Variants in USP31 observed in about 807,000 individuals in gnomAD.
USP31 encodes the protein ubiquitin carboxyl-terminal hydrolase 31.
USP31 carries 44 observed loss-of-function variants against 119.4 expected under a neutral mutation model. That is an observed-to-expected ratio of 0.37 (90% CI 0.29 to 0.47). The LOEUF (loss-of-function observed/expected upper bound fraction) is 0.47. Among genes scored for constraint, USP31 ranks in the 20% least tolerant of loss-of-function variants. USP31 has a pLI of 0.99. For missense variants in USP31, 1,643 were observed against 1,730.2 expected (o/e 0.95, Z 0.89); for synonymous variants, 749 against 705.6 (o/e 1.06, Z -0.97).
rs75126521 is a variant in USP31 at position 23,100,109 on chromosome 16, A to T, written c.1234+2210T>A. ...GTAACACGGTGCAGCCACTTTGGAA[A>T]AGTCTGTAAGTACCCCAAATGATTA... On this transcript the variant is annotated intron_variant, in intron 6 of 15. Coordinates refer to ENST00000219689, the MANE Select transcript of USP31 (RefSeq NM_020718.4). 5.0e-3 allele frequency among the ~76,000 whole-genome samples: 766 copies of T among 152,310 alleles called. 4 individuals carry two copies. The highest frequency in any genetic ancestry group is 0.018 in the African/African-American group (734 of 41,564).
In USP31 at chr16:23,067,706, C is replaced by T. The variant is rs1900131877; in HGVS notation, c.*340G>A. On this transcript the variant is annotated 3_prime_UTR_variant, in exon 16 of 16. Transcript: ENST00000219689. Reference sequence around the variant, plus strand: ...GGTAGCTTTTCTGGTTCACAGGTTTCAAAACCCTCATATCCAAAGAAAGTC... The same window carrying T: ...GGTAGCTTTTCTGGTTCACAGGTTTTAAAACCCTCATATCCAAAGAAAGTC... 1 of 180,994 alleles carries T rather than the reference C, an allele frequency of 5.5e-6. No individual in the cohort carries two copies. The highest frequency in any genetic ancestry group is 1.2e-5 in the Non-Finnish European group (1 of 86,300). 11.2% of individuals were successfully genotyped at this position (180,994 alleles called of 1,614,324 possible). A position where few individuals can be genotyped will look rare whatever the true frequency, so the allele number is the denominator to read the frequency against.
intron 1 of USP31, among the ~76,000 whole-genome samples, chr16:23,126,621 T>A (rs1379488372): frequency 4.7e-5 from 7 of 147,894 alleles, no homozygotes; most frequent in Non-Finnish European, 3.0e-5. Context: ...AGCAAGACTC[T>A]GTCTCAAAAA....
intron 13 of USP31, among the ~76,000 whole-genome samples, chr16:23,074,564 A>C (rs1160329732): frequency 6.6e-6 from 1 of 152,200 alleles, no homozygotes; most frequent in Non-Finnish European, 1.5e-5. Flanking sequence ...GCAGCTGGTG[A>C]AAGGCAGGAG....
At chr16:23,095,267 T>C (rs1289041628) in intron 6 of USP31, among the ~76,000 whole-genome samples, 1 of 151,906 alleles carries the variant, frequency 6.6e-6, no homozygotes, top group African/African-American at 2.4e-5. Context: ...CTCAAATTAA[T>C]GAAATAAAGC....
intron 1 of USP31, among the ~76,000 whole-genome samples, chr16:23,112,678 G>A (rs1270547243): frequency 6.6e-6 from 1 of 152,066 alleles, no homozygotes; most frequent in Non-Finnish European, 1.5e-5. Flanking sequence ...AAAACCAAAG[G>A]CATTAGTATG....
In USP31 at chr16:23,090,803, T is replaced by A; in HGVS notation, c.1236A>T (p.Gly412=). 6.5e-7 allele frequency: 1 copy of A among 1,537,528 alleles called. No homozygotes were observed. The highest frequency in any genetic ancestry group is 8.9e-7 in the Non-Finnish European group (1 of 1,127,082). Residue 412 remains glycine (G), a splice_region_variant and synonymous_variant, in exon 7 of 16, where the codon GGA becomes GGT. Transcript: ENST00000219689. The part of the protein sequence containing the change: ...FRPEGILSQR[G]IHLNNNLNHL... Reference sequence around the variant, plus strand: ...GGTTTAGGTTGTTGTTTAAATGAATTCCTGAAACAGAATAAAAACAACTCA... The same window carrying A: ...GGTTTAGGTTGTTGTTTAAATGAATACCTGAAACAGAATAAAAACAACTCA...
At chr16:23,077,285 T>C (rs1900618398) in intron 13 of USP31, among the ~76,000 whole-genome samples, 1 of 152,170 alleles carries the variant, frequency 6.6e-6, no homozygotes, top group Non-Finnish European at 1.5e-5. Flanking sequence ...CTGCAGCATT[T>C]AAATATTTAA....
chr16:23,103,964 C>T (rs1166355842), intron 5 of USP31, among the ~76,000 whole-genome samples: 1 of 152,068 alleles, frequency 6.6e-6, no homozygotes, highest in Non-Finnish European at 1.5e-5. Context: ...AACAGAAAAA[C>T]AAAAGATGGA....
At position 23,069,013 on chromosome 16, in the gene USP31, C is replaced by G; in HGVS notation, c.3092G>C (p.Gly1031Ala). ...CAAGCTTTTCTCTGGCTCAGAAGTG[C>G]CTTTGGAACTGGGGGATCTCTTAGT... ...STTKRSPSSK[G>A]TSEPEKSLRK... The change falls in exon 16 of 16, where the codon GGC becomes GCC. Residue 1031 changes from glycine to alanine, a missense_variant. Gly to Ala is a moderately conservative substitution (Grantham distance 60). Transcript: ENST00000219689. 1.2e-6 allele frequency: 2 copies of G among 1,613,820 alleles called. No individual in the cohort carries two copies. The highest frequency in any genetic ancestry group is 1.7e-6 in the Non-Finnish European group (2 of 1,180,014).
chr16:23,069,070 G>A lies in USP31; in HGVS notation c.3035C>T (p.Pro1012Leu), dbSNP rs149763593. 7.4e-6 allele frequency: 12 copies of A among 1,612,310 alleles called. No individual in the cohort carries two copies. The African/African-American group carries it at 1.2e-4, about 16-fold the overall frequency. ...CTCTGGTTTCTTTGCGAGTGAGCCT[G>A]GGTGGCTGGGGGCTTTCACCTCTTT... ...PVKEVKAPSH[P>L]GSLAKKPEST... is the part of the protein sequence containing the mutation. Residue 1012 changes from proline to leucine, a missense_variant, in exon 16 of 16, where the codon CCA becomes CTA. This residue lies in a region of USP31 where 699 missense variants were observed against 650.9 expected (regional missense o/e 1.07). Coordinates refer to ENST00000219689, the MANE Select transcript of USP31 (RefSeq NM_020718.4).
rs550161962 is a variant in USP31, at chr16:23,145,542, T to C, written c.633+3096A>G. Among the ~76,000 whole-genome samples, 4 of 152,154 alleles carry C rather than the reference T, an allele frequency of 2.6e-5. No individual in the cohort carries two copies. In the South Asian group the frequency reaches 8.3e-4, roughly 32 times the overall value. Reference sequence around the variant, plus strand: ...AGCCAATGAAATATCAGCAGAAGCCTGCTGAGGGGGCTTCTGGAAGAATTT... The same window carrying C: ...AGCCAATGAAATATCAGCAGAAGCCCGCTGAGGGGGCTTCTGGAAGAATTT... On this transcript the variant is annotated intron_variant, in intron 1 of 15. Coordinates refer to ENST00000219689, the MANE Select transcript of USP31 (RefSeq NM_020718.4).
intron 1 of USP31, among the ~76,000 whole-genome samples, 173 bp downstream of exon 1, chr16:23,148,465 A>C (rs1482971760): frequency 6.6e-6 from 1 of 152,250 alleles, no homozygotes; most frequent in African/African-American, 2.4e-5. Flanking sequence ...GTGAGTGAAT[A>C]AATGAATGAA....
intron 11 of USP31, among the ~76,000 whole-genome samples, chr16:23,084,626 C>A (rs1380337160): frequency 6.6e-6 from 1 of 152,168 alleles, no homozygotes; most frequent in Non-Finnish European, 1.5e-5. Flanking sequence ...TTAAAAAGAA[C>A]TATGAAGGTT....
rs772230155 is a variant in USP31, at chr16:23,062,327, AAAAACAAAAC to A, written c.*5709_*5718del. On this transcript the variant is annotated 3_prime_UTR_variant, in exon 16 of 16. Transcript: ENST00000219689. Reference sequence around the variant, plus strand: ...GTATTACTTAATGGTAAAACAAACAAAAAACAAAACAAAACAAAAACACGAAAAAATAGCA... The same window carrying A: ...GTATTACTTAATGGTAAAACAAACAAAAAACAAAAACACGAAAAAATAGCA... 6.6e-6 allele frequency: 1 copy of A among 152,602 alleles called. No individual in the cohort carries two copies. The highest frequency in any genetic ancestry group is 2.4e-5 in the African/African-American group (1 of 41,446). 9.5% of individuals were successfully genotyped at this position (152,602 alleles called of 1,614,324 possible). A position where few individuals can be genotyped will look rare whatever the true frequency, so the allele number is the denominator to read the frequency against.
At chr16:23,089,881 A>G (rs1458496718) in intron 7 of USP31, among the ~76,000 whole-genome samples, 1 of 152,250 alleles carries the variant, frequency 6.6e-6, no homozygotes, top group African/African-American at 2.4e-5. Flanking sequence ...TTAAAAGGAA[A>G]GAAAATTTGG....
chr16:23,105,070 G>C (rs1049602019), intron 5 of USP31, among the ~76,000 whole-genome samples: 1 of 152,136 alleles, frequency 6.6e-6, no homozygotes, highest in East Asian at 1.9e-4. Flanking sequence ...GTTTTCTAGC[G>C]TCACTGCTCA....
chr16:23,124,990 G>A (rs1902802682), intron 1 of USP31, among the ~76,000 whole-genome samples: 1 of 152,176 alleles, frequency 6.6e-6, no homozygotes, highest in Non-Finnish European at 1.5e-5. Flanking sequence ...AAGTGTAGAG[G>A]TGGAACGTAC....
Position 23,148,635 on chromosome 16 carries a change from C to A in USP31, c.633+3G>T. ...GTGGGGGCGCGGCGGCGCGCGGGCT[C>A]ACCTTGAAGTCGCGGCTGTGCTGCG... On this transcript the variant is annotated splice_donor_region_variant and intron_variant, in intron 1 of 15. Coordinates refer to ENST00000219689, the MANE Select transcript of USP31 (RefSeq NM_020718.4). 1 of 1,471,686 alleles carries A rather than the reference C, an allele frequency of 6.8e-7. No homozygotes were observed. 91.2% of individuals were successfully genotyped at this position (1,471,686 alleles called of 1,614,324 possible).
Position 23,084,969 on chromosome 16 carries a change from T to A in USP31, c.1721A>T (p.Asp574Val), listed in dbSNP as rs1325354022. Residue 574 changes from aspartate (D) to valine (V), a missense_variant, in exon 11 of 16, where the codon GAT becomes GTT. Physicochemically the swap from Asp to Val is radical, Grantham distance 152. This residue lies in a region of USP31 where 279 missense variants were observed against 372.2 expected (regional missense o/e 0.75). Coordinates refer to ENST00000219689, the MANE Select transcript of USP31 (RefSeq NM_020718.4). ...TRDFLFVNTE[D>V]EYIPDAESVR... ...ACTTTCTGCATCAGGAATATACTCATCCTCAGTATTTACAAATAAGCTGCA... is the reference window on the plus strand; with the variant it reads ...ACTTTCTGCATCAGGAATATACTCAACCTCAGTATTTACAAATAAGCTGCA... 1 of 1,613,754 alleles carries A rather than the reference T, an allele frequency of 6.2e-7. No homozygotes were observed. The highest frequency in any genetic ancestry group is 2.2e-5 in the East Asian group (1 of 44,888).
Sources: gnomAD v4.1 joint callset for allele counts (sites outside exome capture counted in the v4.1 genomes callset) on GRCh38, gnomAD v4.1.1 for gene constraint, gnomAD v4.1.1 regional missense constraint, MANE v1.5 for transcripts, NCBI Gene and HGNC (gene_info 2026-07-23, HGNC 2026-07-21) for gene names.